Variants in SNAP47 observed in about 807,000 individuals in gnomAD.
SNAP47 encodes the protein synaptosomal-associated protein 47.
A neutral mutation model predicts 31.4 loss-of-function variants in SNAP47; 20 were observed. The observed-to-expected ratio is 0.64, with a 90% CI of 0.45 to 0.93. The LOEUF is 0.93. Ranked by LOEUF, SNAP47 falls within the 40% of genes least tolerant of loss-of-function variation. The probability of loss-of-function intolerance (pLI) is 0.00; values close to 1 mark genes in which losing one functional copy is unlikely to be tolerated. For synonymous variants in SNAP47, 194 were observed against 213.4 expected (o/e 0.91, Z 0.79); for missense variants, 492 against 528.5 (o/e 0.93, Z 0.68).
chr1:227,780,110 T>C (rs1450041044), intron 4 of SNAP47, among the ~76,000 whole-genome samples: 3 of 152,152 alleles, frequency 2.0e-5, no homozygotes, highest in African/African-American at 7.2e-5. Flanking sequence ...TCACCCAGCA[T>C]AGTGGCTGGG....
At chr1:227,767,261 C>T (rs906519050) in intron 4 of SNAP47, among the ~76,000 whole-genome samples, 178 bp downstream of exon 4, 3 of 152,204 alleles carry the variant, frequency 2.0e-5, no homozygotes, top group African/African-American at 4.8e-5. Flanking sequence ...GGGCAGTGTC[C>T]GTCCCAGGTC....
chr1:227,776,599 G>A (rs776312662), intron 4 of SNAP47: 83 of 985,332 alleles, frequency 8.4e-5, no homozygotes, highest in Non-Finnish European at 9.6e-5. Context: ...GGTTTGGCCA[G>A]ACTTCACATT....
rs1663103731 is a variant in SNAP47 at position 227,762,157 on chromosome 1, C to T, written c.988+2672C>T. Among the ~76,000 whole-genome samples, 1 of 152,222 alleles carries T rather than the reference C, an allele frequency of 6.6e-6. No homozygotes were observed. The highest frequency in any genetic ancestry group is 6.5e-5 in the Admixed American group (1 of 15,288). ...CACACAGCACACAGTCCCACAGGGA[C>T]CTGCTGCATGTGTGAGATGGACTGT... On this transcript the variant is annotated intron_variant, in intron 3 of 4. Coordinates refer to ENST00000617596, the MANE Select transcript of SNAP47 (RefSeq NM_053052.4). The surrounding 1 kb of genome is among the most constrained non-coding windows in gnomAD (Gnocchi z 4.2).
chr1:227,768,930 C>T lies in SNAP47; in HGVS notation c.1113+1847C>T, dbSNP rs116698558. ...ACTGTATCCCACGGTTGTGTTTAGACTGAAGTAGGAGCAAAGCTTTAAGAT... is the reference window on the plus strand; with the variant it reads ...ACTGTATCCCACGGTTGTGTTTAGATTGAAGTAGGAGCAAAGCTTTAAGAT... On this transcript the variant is annotated intron_variant, in intron 4 of 4. Coordinates refer to ENST00000617596, the MANE Select transcript of SNAP47 (RefSeq NM_053052.4). Among the ~76,000 whole-genome samples the T allele has an allele frequency of 5.3e-3, 805 of 152,348 alleles. 9 individuals carry two copies. The highest frequency in any genetic ancestry group is 0.019 in the African/African-American group (775 of 41,576).
At chr1:227,748,270 G>A in intron 2 of SNAP47, 37 bp downstream of exon 2, 2 of 1,504,950 alleles carry the variant, frequency 1.3e-6, no homozygotes, top group South Asian at 2.7e-5. Context: ...GGCACACACA[G>A]AGTAAGATGC....
intron 4 of SNAP47, chr1:227,776,884 G>C: frequency 1.0e-6 from 1 of 985,444 alleles, no homozygotes; most frequent in Non-Finnish European, 1.2e-6. Flanking sequence ...CTTCAACGTA[G>C]TGAGACATTT....
At chr1:227,773,532 A>G (rs1334641962) in intron 4 of SNAP47, among the ~76,000 whole-genome samples, 1 of 152,228 alleles carries the variant, frequency 6.6e-6, no homozygotes, top group Non-Finnish European at 1.5e-5. Flanking sequence ...TAAAGTCCAC[A>G]GTAGTGTTCA....
At chr1:227,733,697 C>T (rs1001557592), upstream of SNAP47, 8 of 1,599,132 alleles carry the variant, frequency 5.0e-6, no homozygotes, top group African/African-American at 1.3e-5. Context: ...GCAGCAAGAG[C>T]GCCTGGTTCA....
chr1:227,753,178 GGCTATAGT>G (rs1325752901), intron 2 of SNAP47, among the ~76,000 whole-genome samples: 11 of 152,150 alleles, frequency 7.2e-5, no homozygotes, highest in Admixed American at 3.9e-4. Flanking sequence ...TCCATGCCTT[GGCTATAGT>G]GAAGCATGCT....
chr1:227,767,617 T>C (rs10916204), intron 4 of SNAP47, among the ~76,000 whole-genome samples: 31,931 of 152,084 alleles, frequency 0.21, 3,476 homozygotes, highest in Non-Finnish European at 0.23. Flanking sequence ...GTGTTGCATG[T>C]ACTATGCATG....
chr1:227,765,929 C>G (rs1467176021), intron 3 of SNAP47, among the ~76,000 whole-genome samples: 1 of 152,136 alleles, frequency 6.6e-6, no homozygotes. Flanking sequence ...GGTGGCATCT[C>G]TCCTGTGGAG....
At position 227,780,746 on chromosome 1, in the gene SNAP47, G is replaced by A; in HGVS notation, c.*73G>A. On this transcript the variant is annotated 3_prime_UTR_variant, in exon 5 of 5. Coordinates refer to ENST00000617596, the MANE Select transcript of SNAP47 (RefSeq NM_053052.4). ...GATGGAGGGCTGGGCGGCAGTGCCA[G>A]GGCTGCAGAGGCCTGTGGCCCTCCG... 1 of 1,590,114 alleles carries A rather than the reference G, an allele frequency of 6.3e-7. No individual in the cohort carries two copies. Among genetic ancestry groups the A allele is most frequent in the Non-Finnish European group, 8.6e-7 (1 of 1,167,378 alleles).
chr1:227,754,361 A>G (rs1003974383), intron 2 of SNAP47, among the ~76,000 whole-genome samples: 3 of 152,156 alleles, frequency 2.0e-5, no homozygotes, highest in African/African-American at 7.2e-5. Context: ...TAGGCACAGG[A>G]TGGGGGTGTG....
At chr1:227,735,135 C>A, upstream of SNAP47, 1 of 1,581,330 alleles carries the variant, frequency 6.3e-7, no homozygotes, top group Middle Eastern at 1.8e-4. Flanking sequence ...AGCAAGAAGC[C>A]CCGCACAAAG....
intron 2 of SNAP47, among the ~76,000 whole-genome samples, chr1:227,751,121 TG>T (rs958606941): frequency 6.6e-6 from 1 of 152,202 alleles, no homozygotes; most frequent in African/African-American, 2.4e-5. Context: ...ACCCAGCCCC[TG>T]GGCCCCTTTA....
upstream of SNAP47, chr1:227,728,497 G>C (rs1660449217): frequency 9.5e-6 from 1 of 105,706 alleles, no homozygotes; most frequent in African/African-American, 3.6e-5. Flanking sequence ...GCCCCACCTG[G>C]CTCTCCCGCC....
At chr1:227,735,272 A>G (rs1031960340), upstream of SNAP47, 4 of 1,606,654 alleles carry the variant, frequency 2.5e-6, no homozygotes, top group African/African-American at 1.3e-5. Context: ...CTCGCGGTCC[A>G]TCCAGCTCAG....
chr1:227,766,197 C>T (rs1490448753), intron 3 of SNAP47, among the ~76,000 whole-genome samples: 1 of 152,210 alleles, frequency 6.6e-6, no homozygotes, highest in East Asian at 1.9e-4. Flanking sequence ...GCTGGCACTG[C>T]AGCTGCACTC....
At chr1:227,732,367 C>G (rs756031409), upstream of SNAP47, 3 of 1,604,704 alleles carry the variant, frequency 1.9e-6, no homozygotes, top group East Asian at 4.5e-5. Context: ...CTCTTCCACC[C>G]GTCCTTCTAT....
Sources: allele counts gnomAD v4.1 joint callset (sites outside exome capture counted in the v4.1 genomes callset), GRCh38; gene constraint gnomAD v4.1.1; non-coding constraint Gnocchi (gnomAD v3.1); transcripts MANE v1.5; gene names NCBI Gene and HGNC (gene_info 2026-07-23, HGNC 2026-07-21).